EGFR: variants seen among roughly 807,000 people sequenced by gnomAD.
EGFR encodes the protein avian erythroblastic leukemia viral (v-erb-b) oncogene homolog.
A neutral mutation model predicts 143.0 loss-of-function variants in EGFR; 58 were observed. That is an observed-to-expected ratio of 0.41 (90% CI 0.33 to 0.50). The LOEUF (loss-of-function observed/expected upper bound fraction) is 0.50, where lower values mean the gene tolerates loss of function less well. EGFR is among the 20% of genes least tolerant of loss of function. EGFR has a pLI of 0.39. For synonymous variants in EGFR, 613 were observed against 594.4 expected (o/e 1.03, Z -0.45); for missense variants, 1,307 against 1,579.0 (o/e 0.83, Z 2.92).
intron 15 of EGFR, 115 bp from the exon 16 acceptor site, chr7:55,171,060 A>C (rs1171634886): frequency 6.5e-7 from 1 of 1,539,776 alleles, no homozygotes; most frequent in Non-Finnish European, 8.7e-7. Context: ...TAGTGATTTT[A>C]ATTATTTAAG....
At chr7:55,034,810 G>A (rs1433605109) in intron 1 of EGFR, among the ~76,000 whole-genome samples, 1 of 152,176 alleles carries the variant, frequency 6.6e-6, no homozygotes, top group Admixed American at 6.5e-5. Context: ...AAAATAAATT[G>A]CTTTGCTGCA....
At chr7:55,048,009 A>C (rs999634370) in intron 1 of EGFR, among the ~76,000 whole-genome samples, 20 of 152,148 alleles carry the variant, frequency 1.3e-4, no homozygotes, top group Admixed American at 7.9e-4. Context: ...ATATGAAATA[A>C]TGGTTATCTC....
At position 55,068,139 on chromosome 7, in the gene EGFR, A is replaced by G. The variant is rs978652221; in HGVS notation, c.88+48774A>G. 2.7e-5 allele frequency among the ~76,000 whole-genome samples: 4 copies of G among 145,882 alleles called. 1 individual carries two copies. The highest frequency in any genetic ancestry group is 1.1e-4 in the African/African-American group (4 of 35,526). ...GTGTGTGTGCATGTGTGGTGGGGACACTAAAAATCTCTCATCACCTTTTTA... is the reference window on the plus strand; with the variant it reads ...GTGTGTGTGCATGTGTGGTGGGGACGCTAAAAATCTCTCATCACCTTTTTA... On this transcript the variant is annotated intron_variant, in intron 1 of 27. Transcript: ENST00000275493.
At chr7:55,182,823 A>G (rs1786952033) in intron 20 of EGFR, among the ~76,000 whole-genome samples, 1 of 152,310 alleles carries the variant, frequency 6.6e-6, no homozygotes, top group Middle Eastern at 3.4e-3. Context: ...GCCACAGAGT[A>G]GAACACTCCT....
Position 55,202,532 on chromosome 7 carries a change from A to G in EGFR, c.3178A>G (p.Ile1060Val), listed in dbSNP as rs1787894538. ...IDRNGLQSCP[I>V]KEDSFLQRYS... is the part of the protein sequence containing the mutation. ...CCTCCTGCAGCTGCAAAGCTGTCCC[A>G]TCAAGGAAGACAGCTTCTTGCAGCG... The change falls in exon 27 of 28, where the codon ATC becomes GTC. Residue 1060 changes from isoleucine (I) to valine (V), a missense_variant. Physicochemically the swap from Ile to Val is conservative, Grantham distance 29. Coordinates refer to ENST00000275493, the MANE Select transcript of EGFR (RefSeq NM_005228.5). 6.2e-7 allele frequency: 1 copy of G among 1,610,412 alleles called. No individual in the cohort carries two copies. Among genetic ancestry groups the G allele is most frequent in the Non-Finnish European group, 8.5e-7 (1 of 1,178,320 alleles).
At chr7:55,166,210 T>G in intron 15 of EGFR, 1 of 521,344 alleles carries the variant, frequency 1.9e-6, no homozygotes, top group Non-Finnish European at 3.7e-6. Context: ...GCACTCTGAT[T>G]GTGTGTATCT....
chr7:55,132,964 C>T lies in EGFR; in HGVS notation c.89-9322C>T, dbSNP rs7787752. On this transcript the variant is annotated intron_variant, in intron 1 of 27. Coordinates refer to ENST00000275493, the MANE Select transcript of EGFR (RefSeq NM_005228.5). ...CTCTGTGGCTGACTCCATCTGGCCA[C>T]GGAGCTTCTCAGCCATGCTTGGTAT... Among the ~76,000 whole-genome samples, 549 of 152,320 alleles carry T rather than the reference C, an allele frequency of 3.6e-3. 2 individuals carry two copies. The highest frequency in any genetic ancestry group is 0.012 in the African/African-American group (501 of 41,580).
At chr7:55,176,729 T>G (rs1001361190) in intron 19 of EGFR, among the ~76,000 whole-genome samples, 1 of 150,350 alleles carries the variant, frequency 6.7e-6, no homozygotes, top group African/African-American at 2.4e-5. Context: ...TAGTTAGATA[T>G]AAATATTAAT....
intron 1 of EGFR, among the ~76,000 whole-genome samples, chr7:55,074,456 AAAACAG>A (rs1790019925): frequency 6.6e-6 from 1 of 152,282 alleles, no homozygotes; most frequent in African/African-American, 2.4e-5. Context: ...TTGTGAACAT[AAAACAG>A]AAACAGAAAG....
intron 22 of EGFR, among the ~76,000 whole-genome samples, chr7:55,193,352 G>A (rs73136850): frequency 1.3e-5 from 2 of 151,974 alleles, no homozygotes; most frequent in South Asian, 2.1e-4. Flanking sequence ...TCTCGCTCTC[G>A]GGAGGACCAT....
intron 1 of EGFR, among the ~76,000 whole-genome samples, chr7:55,049,256 G>A (rs573499330): frequency 5.9e-5 from 9 of 152,166 alleles, no homozygotes; most frequent in Non-Finnish European, 1.3e-4. Flanking sequence ...TCTACCGCCT[G>A]TTTATAAGCT....
intron 15 of EGFR, among the ~76,000 whole-genome samples, chr7:55,170,058 T>C (rs890181178): frequency 6.6e-6 from 1 of 152,172 alleles, no homozygotes; most frequent in African/African-American, 2.4e-5. Context: ...AGGTCTCCTG[T>C]ATATTCCACC....
intron 15 of EGFR, among the ~76,000 whole-genome samples, chr7:55,167,715 G>A (rs1220271390): frequency 6.6e-6 from 1 of 152,136 alleles, no homozygotes. Context: ...TGGTGAGGAC[G>A]TGGGAGTAAC....
Position 55,170,932 on chromosome 7 carries a change from G to A in EGFR, c.1881-243G>A, listed in dbSNP as rs1786318981. On this transcript the variant is annotated intron_variant, in intron 15 of 27. Transcript: ENST00000275493. Reference sequence around the variant, plus strand: ...ATCTCAATAACAAACTGGCTGCTTTGTTCAATGCTAGAACAACGCCTGTCA... The same window carrying A: ...ATCTCAATAACAAACTGGCTGCTTTATTCAATGCTAGAACAACGCCTGTCA... 4.9e-6 allele frequency: 7 copies of A among 1,425,180 alleles called. No individual in the cohort carries two copies. The South Asian group carries it at 1.1e-4, about 22-fold the overall frequency. The allele number at this position is 1,425,180 out of a possible 1,614,324, so 88.3% of individuals were successfully genotyped here. A position where few individuals can be genotyped will look rare whatever the true frequency, so the allele number is the denominator to read the frequency against.
intron 1 of EGFR, among the ~76,000 whole-genome samples, chr7:55,080,161 G>T (rs761645893): frequency 6.6e-6 from 1 of 152,112 alleles, no homozygotes; most frequent in Non-Finnish European, 1.5e-5. Context: ...CCCATTTTGA[G>T]TTAGTTTTTG....
rs777162335 is a variant in EGFR, at chr7:55,169,102, TC to T, written c.1881-2072del. ...GAGGAACCCTGGAGGAATAGCTATTTCTTTTTTTTTTTTGTCGAGACGGAGT... is the reference window on the plus strand; with the variant it reads ...GAGGAACCCTGGAGGAATAGCTATTTTTTTTTTTTTTTGTCGAGACGGAGT... On this transcript the variant is annotated intron_variant, in intron 15 of 27. Coordinates refer to ENST00000275493, the MANE Select transcript of EGFR (RefSeq NM_005228.5). 5.2e-3 allele frequency among the ~76,000 whole-genome samples: 775 copies of T among 148,612 alleles called. 10 individuals are homozygous for T. The highest frequency in any genetic ancestry group is 0.025 in the East Asian group (128 of 5,062).
chr7:55,022,755 T>C (rs1259395294), intron 1 of EGFR, among the ~76,000 whole-genome samples: 1 of 152,228 alleles, frequency 6.6e-6, no homozygotes, highest in African/African-American at 2.4e-5. Context: ...CTTTTAACAG[T>C]AATTTCTGGC....
At position 55,157,656 on chromosome 7, in the gene EGFR, C is replaced by T. The variant is rs747529461; in HGVS notation, c.1208-7C>T. On this transcript the variant is annotated splice_region_variant and splice_polypyrimidine_tract_variant and intron_variant, in intron 10 of 27. Transcript: ENST00000275493. ...TGTGTGTCTGAAGTCTTTCATCTGC[C>T]TTACAGGGTTTTTGCTGATTCAGGC... 6.2e-7 allele frequency: 1 copy of T among 1,614,086 alleles called. No individual in the cohort carries two copies.
intron 1 of EGFR, among the ~76,000 whole-genome samples, chr7:55,047,950 T>C (rs1386660299): frequency 6.6e-6 from 1 of 152,074 alleles, no homozygotes; most frequent in East Asian, 1.9e-4. Context: ...AAATGTGAAT[T>C]CAGTTTCACA....
Sources: allele counts gnomAD v4.1 joint callset (sites outside exome capture counted in the v4.1 genomes callset), GRCh38; gene constraint gnomAD v4.1.1; transcripts MANE v1.5; gene names NCBI Gene and HGNC (gene_info 2026-07-23, HGNC 2026-07-21).